UNC5B: variants seen among roughly 807,000 people sequenced by gnomAD.
UNC5B encodes unc-5 netrin receptor B, also known as netrin receptor UNC5B.
In UNC5B, 56 loss-of-function variants were observed where a neutral mutation model predicts 103.7. The ratio of observed to expected loss-of-function variants is 0.54; its 90% CI spans 0.44 to 0.67. The LOEUF (loss-of-function observed/expected upper bound fraction) is 0.67. Among genes scored for constraint, UNC5B ranks in the 30% least tolerant of loss-of-function variants. The probability of loss-of-function intolerance (pLI) is 0.00; values close to 1 mark genes in which losing one functional copy is unlikely to be tolerated. For synonymous variants in UNC5B, 577 were observed against 542.0 expected, an observed-to-expected ratio of 1.06 and a Z score of -0.90; for missense variants, 1,194 against 1,284.5, an observed-to-expected ratio of 0.93 and a Z score of 1.08.
Position 71,284,705 on chromosome 10 carries a change from C to T in UNC5B, c.305-15C>T, listed in dbSNP as rs1845020380. 6.2e-7 allele frequency: 1 copy of T among 1,612,990 alleles called. No individual in the cohort carries two copies. Among genetic ancestry groups the T allele is most frequent in the Non-Finnish European group, 8.5e-7 (1 of 1,180,002 alleles). On this transcript the variant is annotated splice_polypyrimidine_tract_variant and intron_variant, in intron 2 of 16. Transcript: ENST00000335350. ...TTTGCCCCTGCCCCCTGACGGCTCT[C>T]TCTTCTCCTCCCAGGCCTGCGGGTG...
chr10:71,232,120 G>A (rs975251290), intron 1 of UNC5B, among the ~76,000 whole-genome samples: 16 of 152,174 alleles, frequency 1.1e-4, no homozygotes, highest in Admixed American at 1.3e-4. Context: ...TCATAGATGA[G>A]TTGAAAGCAT....
At chr10:71,226,548 G>T (rs544212259) in intron 1 of UNC5B, among the ~76,000 whole-genome samples, 101 of 152,300 alleles carry the variant, frequency 6.6e-4, no homozygotes, top group Non-Finnish European at 5.9e-5. Flanking sequence ...CAGTGAAGTG[G>T]GAATCATGAA....
At chr10:71,261,591 C>T (rs757942979) in intron 1 of UNC5B, among the ~76,000 whole-genome samples, 1 of 152,226 alleles carries the variant, frequency 6.6e-6, no homozygotes, top group Non-Finnish European at 1.5e-5. Flanking sequence ...CTGGACCTCT[C>T]ACCTGCCTCA....
At chr10:71,291,291 G>C in intron 9 of UNC5B, 141 bp from the exon 10 acceptor site, 1 of 1,383,706 alleles carries the variant, frequency 7.2e-7, no homozygotes, top group Non-Finnish European at 9.8e-7. Flanking sequence ...GAGTGACCCA[G>C]GCTGCGGGAT....
intron 1 of UNC5B, among the ~76,000 whole-genome samples, chr10:71,239,898 G>T (rs1487700022): frequency 6.6e-6 from 1 of 152,188 alleles, no homozygotes; most frequent in Non-Finnish European, 1.5e-5. Context: ...AAACCCCTGG[G>T]CCTGCCCTCG....
At chr10:71,287,314 TCACTCCCA>T (rs1845114389) in intron 5 of UNC5B, among the ~76,000 whole-genome samples, 1 of 152,128 alleles carries the variant, frequency 6.6e-6, no homozygotes, top group Non-Finnish European at 1.5e-5. Flanking sequence ...CAGGCCCCCA[TCACTCCCA>T]GGGTGACCCT....
intron 1 of UNC5B, among the ~76,000 whole-genome samples, chr10:71,264,792 G>A (rs1422759944): frequency 6.6e-6 from 1 of 152,088 alleles, no homozygotes; most frequent in African/African-American, 2.4e-5. Flanking sequence ...CACTCCAGGT[G>A]GTCCTGGTGC....
In UNC5B at chr10:71,302,682, G is replaced by A. The variant is rs545557252; in HGVS notation, c.*3405G>A. 1 of 151,944 alleles carries A rather than the reference G, an allele frequency of 6.6e-6. No individual in the cohort carries two copies. Among genetic ancestry groups the A allele is most frequent in the Admixed American group, 6.5e-5 (1 of 15,292 alleles). The allele number at this position is 151,944 out of a possible 1,614,324, so 9.4% of individuals were successfully genotyped here. A position where few individuals can be genotyped will look rare whatever the true frequency, so the allele number is the denominator to read the frequency against. On this transcript the variant is annotated 3_prime_UTR_variant, in exon 17 of 17. Transcript: ENST00000335350. The stretch of plus-strand genomic sequence containing the variant: ...GAGCTCTTGGTGGGGCAAAGGGCTG[G>A]ACCCCTGCCAGGTCTGTGGACATGG...
At chr10:71,225,264 C>T (rs2132242477) in intron 1 of UNC5B, among the ~76,000 whole-genome samples, 1 of 35,410 alleles carries the variant, frequency 2.8e-5, no homozygotes, top group Non-Finnish European at 5.8e-5. Context: ...GTTCTCCAAA[C>T]CCACGGGGGT....
intron 1 of UNC5B, among the ~76,000 whole-genome samples, chr10:71,245,044 C>T (rs1428382105): frequency 4.6e-5 from 7 of 152,248 alleles, no homozygotes; most frequent in Non-Finnish European, 1.0e-4. Flanking sequence ...AACCTCGTTC[C>T]CACGAGGAAT....
intron 1 of UNC5B, chr10:71,218,118 G>A (rs1843376247): frequency 7.2e-6 from 1 of 139,324 alleles, no homozygotes; most frequent in East Asian, 2.5e-4. Flanking sequence ...GGAGGTGGGA[G>A]TTTGCAGGGA....
chr10:71,285,376 G>C lies in UNC5B; in HGVS notation c.499G>C (p.Asp167His). The C allele has an allele frequency of 6.2e-7, 1 of 1,611,306 alleles. No individual in the cohort carries two copies. The highest frequency in any genetic ancestry group is 1.1e-5 in the South Asian group (1 of 90,210). Residue 167 changes from aspartate to histidine, a missense_variant, in exon 4 of 17, where the codon GAC becomes CAC. Transcript: ENST00000335350. ...QEPLGKEVPLDHEVLLQCRPP... is the reference protein window; with the variant it reads ...QEPLGKEVPLHHEVLLQCRPP... ...GCCTCTGGGCAAGGAGGTGCCCCTG[G>C]ACCATGAGGTTCTCCTGCAGTGCCG...
Position 71,296,733 on chromosome 10 carries a change from T to C in UNC5B, c.2481T>C (p.Thr827=). The change falls in exon 15 of 17, where the codon ACT becomes ACC. Residue 827 remains threonine, a synonymous_variant. Coordinates refer to ENST00000335350, the MANE Select transcript of UNC5B (RefSeq NM_170744.5). ...GEGQIFQLHT[T]LAETPAGSLD... is the part of the protein sequence containing the mutation. ...GCCAGATATTCCAGCTGCATACCAC[T>C]CTGGCAGAGGTGAGGGAAGTCGGGG... The C allele has an allele frequency of 6.3e-7, 1 of 1,598,996 alleles. No homozygotes were observed. The highest frequency in any genetic ancestry group is 8.5e-7 in the Non-Finnish European group (1 of 1,173,192).
chr10:71,296,833 G>A (rs12246804), intron 15 of UNC5B, 91 bp downstream of exon 15: 8,605 of 494,636 alleles, frequency 0.017, 189 homozygotes, highest in African/African-American at 0.049. Flanking sequence ...TGCACACCAC[G>A]CTGGCGGAGG....
chr10:71,286,735 C>A lies in UNC5B; in HGVS notation c.599C>A (p.Thr200Asn). 6.2e-7 allele frequency: 1 copy of A among 1,614,230 alleles called. No homozygotes were observed. The highest frequency in any genetic ancestry group is 1.1e-5 in the South Asian group (1 of 91,082). Residue 200 changes from threonine to asparagine, a missense_variant, in exon 5 of 17, where the codon ACC becomes AAC. Physicochemically the swap from Thr to Asn is moderately conservative, Grantham distance 65. Coordinates refer to ENST00000335350, the MANE Select transcript of UNC5B (RefSeq NM_170744.5). ...NEDVIDPTQD[T>N]NFLLTIDHNL... ...GATGTCATCGACCCCACCCAGGACA[C>A]CAACTTCCTGCTCACCATCGACCAC...
Position 71,260,601 on chromosome 10 carries a change from C to T in UNC5B, c.80-19220C>T, listed in dbSNP as rs1012530629. 7.2e-5 allele frequency among the ~76,000 whole-genome samples: 11 copies of T among 152,200 alleles called. 1 individual carries two copies. On this transcript the variant is annotated intron_variant, in intron 1 of 16. Transcript: ENST00000335350. ...TGGGGGGCATCAGGGCTATGTTCAC[C>T]CTGTTATCGTCACTGTGCTCCCAGA...
chr10:71,219,012 G>C (rs1467388768), intron 1 of UNC5B, among the ~76,000 whole-genome samples: 1 of 152,122 alleles, frequency 6.6e-6, no homozygotes, highest in Non-Finnish European at 1.5e-5. Flanking sequence ...GCTTTCCCAG[G>C]GCTGTCCACA....
At chr10:71,289,594 C>G (rs960532906) in intron 8 of UNC5B, among the ~76,000 whole-genome samples, 1 of 152,260 alleles carries the variant, frequency 6.6e-6, no homozygotes, top group African/African-American at 2.4e-5. Context: ...ACCACAATTT[C>G]CAGTTAGTTC....
chr10:71,299,531 C>G lies in UNC5B; in HGVS notation c.*254C>G. 4.7e-6 allele frequency: 2 copies of G among 426,152 alleles called. No individual in the cohort carries two copies. Among genetic ancestry groups the G allele is most frequent in the Non-Finnish European group, 8.4e-6 (2 of 237,320 alleles). The allele number at this position is 426,152 out of a possible 1,614,324, so 26.4% of individuals were successfully genotyped here. A position where few individuals can be genotyped will look rare whatever the true frequency, so the allele number is the denominator to read the frequency against. On this transcript the variant is annotated 3_prime_UTR_variant, in exon 17 of 17. Transcript: ENST00000335350. ...TGGCCTGAGATCTCTGTGCAGGAAC[C>G]AAGATGGGGCTGAAGCCTCTGGAGG...
Sources: allele counts gnomAD v4.1 joint callset (sites outside exome capture counted in the v4.1 genomes callset), GRCh38; gene constraint gnomAD v4.1.1; transcripts MANE v1.5; gene names NCBI Gene and HGNC (gene_info 2026-07-23, HGNC 2026-07-21).